MYO18B: variants seen among roughly 807,000 people sequenced by gnomAD.
MYO18B encodes the protein myosin XVIIIB.
Under a neutral mutation model 273.0 loss-of-function variants are expected in MYO18B, and 204 were observed. The observed-to-expected ratio is 0.75, with a 90% CI of 0.67 to 0.84. The LOEUF (loss-of-function observed/expected upper bound fraction) is 0.84, where lower values mean the gene tolerates loss of function less well. MYO18B is among the 40% of genes least tolerant of loss of function. The pLI is 0.00. For missense variants in MYO18B, 3,212 were observed against 3,287.6 expected (o/e 0.98, Z 0.56); for synonymous variants, 1,330 against 1,305.7 (o/e 1.02, Z -0.40).
chr22:25,938,963 G>A (rs74349379), intron 34 of MYO18B, among the ~76,000 whole-genome samples: 2,662 of 152,172 alleles, frequency 0.017, 56 homozygotes, highest in African/African-American at 0.053. Context: ...GACTACAGGC[G>A]CTCCACCATG....
intron 23 of MYO18B, among the ~76,000 whole-genome samples, chr22:25,875,668 G>A (rs753918616): frequency 1.3e-5 from 2 of 152,206 alleles, no homozygotes; most frequent in Admixed American, 6.5e-5. Flanking sequence ...TAGCCATCTG[G>A]GGTTTAACAA....
intron 33 of MYO18B, among the ~76,000 whole-genome samples, chr22:25,913,308 T>G (rs753987537): frequency 2.6e-5 from 4 of 152,260 alleles, no homozygotes; most frequent in Middle Eastern, 3.2e-3. Flanking sequence ...TAAATGGTAT[T>G]GCGTGGCCCT....
intron 23 of MYO18B, 37 bp downstream of exon 23, chr22:25,874,451 C>G: frequency 6.3e-7 from 1 of 1,593,100 alleles, no homozygotes. Flanking sequence ...TCTGATCCAA[C>G]GGGTCTGGAG....
intron 35 of MYO18B, 39 bp from the exon 36 acceptor site, chr22:25,947,673 C>T: frequency 2.0e-6 from 3 of 1,530,718 alleles, no homozygotes; most frequent in Non-Finnish European, 1.8e-6. Flanking sequence ...CATCCCTCAC[C>T]CTCTCACCTT....
intron 25 of MYO18B, chr22:25,884,946 AC>A (rs1475073607): frequency 3.3e-5 from 5 of 152,144 alleles, no homozygotes; most frequent in African/African-American, 1.2e-4. Flanking sequence ...AAGCCACATC[AC>A]CACTATTACC....
chr22:25,864,504 A>G (rs2090830977), intron 21 of MYO18B, among the ~76,000 whole-genome samples: 1 of 152,172 alleles, frequency 6.6e-6, no homozygotes. Context: ...CAAACTGAAG[A>G]CCAGAGAGGA....
At chr22:25,867,018 A>G (rs1020389501) in intron 21 of MYO18B, among the ~76,000 whole-genome samples, 18 of 152,282 alleles carry the variant, frequency 1.2e-4, no homozygotes, top group African/African-American at 4.1e-4. Flanking sequence ...TGTTCAAGAC[A>G]TAGCTGTGGC....
At chr22:25,966,678 A>G (rs1368512089) in intron 39 of MYO18B, among the ~76,000 whole-genome samples, 2 of 152,184 alleles carry the variant, frequency 1.3e-5, no homozygotes, top group Non-Finnish European at 2.9e-5. Flanking sequence ...GAGAGCTGAC[A>G]GGGGAACCCG....
At chr22:25,852,065 A>G (rs947630467) in intron 21 of MYO18B, among the ~76,000 whole-genome samples, 10 of 152,328 alleles carry the variant, frequency 6.6e-5, no homozygotes, top group Admixed American at 4.6e-4. Context: ...AGTGTGTTCC[A>G]TTCAGCACCA....
At chr22:25,844,042 T>C (rs2090163621) in intron 18 of MYO18B, 148 bp downstream of exon 18, 1 of 720,298 alleles carries the variant, frequency 1.4e-6, no homozygotes, top group South Asian at 2.7e-5. Flanking sequence ...GAACCATAAC[T>C]TGAATTGGAG....
rs540749711 is a variant in MYO18B, at chr22:25,757,416, C to T, written c.-109-3568C>T. Among the ~76,000 whole-genome samples the T allele has an allele frequency of 1.0e-3, 158 of 151,916 alleles. 1 individual carries two copies. Among genetic ancestry groups the T allele is most frequent in the Admixed American group, 2.8e-3 (43 of 15,264 alleles). ...TTCGAGACTAGCCTGGCCAACATGACGAAACCCCATCTCTACAAAAAATTA... is the reference window on the plus strand; with the variant it reads ...TTCGAGACTAGCCTGGCCAACATGATGAAACCCCATCTCTACAAAAAATTA... On this transcript the variant is annotated intron_variant, in intron 1 of 43. Coordinates refer to ENST00000335473, the MANE Select transcript of MYO18B (RefSeq NM_032608.7).
intron 37 of MYO18B, among the ~76,000 whole-genome samples, chr22:25,951,580 C>T (rs1321608219): frequency 1.3e-5 from 2 of 152,214 alleles, no homozygotes; most frequent in African/African-American, 4.8e-5. Context: ...CGAAATCTTC[C>T]TTTGAAGTCA....
chr22:25,918,289 T>C (rs186355619), intron 33 of MYO18B, among the ~76,000 whole-genome samples: 4 of 152,322 alleles, frequency 2.6e-5, no homozygotes, highest in Admixed American at 2.6e-4. Flanking sequence ...TAATAGTGTT[T>C]GGAGATTCCT....
At position 25,834,872 on chromosome 22, in the gene MYO18B, C is replaced by T. The variant is rs555594435; in HGVS notation, c.3061-424C>T. Among the ~76,000 whole-genome samples, 22 of 152,320 alleles carry T rather than the reference C, an allele frequency of 1.4e-4. 1 individual carries two copies. The South Asian group carries it at 3.5e-3, about 24-fold the overall frequency. On this transcript the variant is annotated intron_variant, in intron 16 of 43. Coordinates refer to ENST00000335473, the MANE Select transcript of MYO18B (RefSeq NM_032608.7). ...AAATACAAGGACTTCTTAGAGGAAA[C>T]GATACAGACAGAATTAATCCTTTCT...
intron 33 of MYO18B, among the ~76,000 whole-genome samples, chr22:25,919,956 C>T (rs765068382): frequency 1.4e-4 from 22 of 152,086 alleles, no homozygotes; most frequent in Non-Finnish European, 2.6e-4. Flanking sequence ...TATCTCAACA[C>T]GAAGGATAGG....
intron 34 of MYO18B, among the ~76,000 whole-genome samples, chr22:25,931,840 A>ATTT (rs35548306): frequency 2.8e-5 from 4 of 141,526 alleles, no homozygotes; most frequent in African/African-American, 1.0e-4. Flanking sequence ...TGCCCTGCTA[A>ATTT]TTTTTTTTTT....
intron 12 of MYO18B, among the ~76,000 whole-genome samples, chr22:25,810,094 C>T (rs2088669928): frequency 6.8e-6 from 1 of 147,614 alleles, no homozygotes; most frequent in South Asian, 2.1e-4. Flanking sequence ...ACCCTTCCTT[C>T]AGGCTTTTTT....
At chr22:26,035,972 C>T (rs561017561), downstream of MYO18B, among the ~76,000 whole-genome samples, 9 of 152,262 alleles carry the variant, frequency 5.9e-5, no homozygotes, top group Non-Finnish European at 1.3e-4. Flanking sequence ...CAACACAGAC[C>T]CAACCCTGTT....
chr22:26,042,286 A>G, the MYO18B span, among the ~76,000 whole-genome samples: 1 of 152,238 alleles, frequency 6.6e-6, no homozygotes, highest in Admixed American at 6.5e-5. Flanking sequence ...GCTGCATCCT[A>G]AAAGGTAAAG....
Sources: gnomAD v4.1 joint callset for allele counts (sites outside exome capture counted in the v4.1 genomes callset) on GRCh38, gnomAD v4.1.1 for gene constraint, MANE v1.5 for transcripts, NCBI Gene and HGNC (gene_info 2026-07-23, HGNC 2026-07-21) for gene names.